CHRNA5: variants seen among roughly 807,000 people sequenced by gnomAD.
CHRNA5 encodes cholinergic receptor nicotinic alpha 5 subunit, also known as neuronal acetylcholine receptor subunit alpha-5.
A neutral mutation model predicts 41.2 loss-of-function variants in CHRNA5; 28 were observed. The ratio of observed to expected loss-of-function variants is 0.68; its 90% confidence interval spans 0.50 to 0.93. The LOEUF (loss-of-function observed/expected upper bound fraction) is 0.93, where lower values mean the gene tolerates loss of function less well. Among genes scored for constraint, CHRNA5 ranks in the 40% least tolerant of loss-of-function variants. The pLI is 0.00. For missense variants in CHRNA5, 481 were observed against 581.9 expected (o/e 0.83, Z 1.78); for synonymous variants, 188 against 205.8 (o/e 0.91, Z 0.74).
At chr15:78,574,341 A>G (rs1267224305) in intron 1 of CHRNA5, among the ~76,000 whole-genome samples, 1 of 149,428 alleles carries the variant, frequency 6.7e-6, no homozygotes, top group East Asian at 2.0e-4. Context: ...GATCGCACCA[A>G]TGCACTCCAG....
Position 78,590,286 on chromosome 15 carries a change from A to G in CHRNA5, c.895A>G (p.Ile299Val). The change falls in exon 5 of 6, where the codon ATT (isoleucine) becomes GTT (valine). Residue 299 changes from isoleucine (I) to valine (V), a missense_variant. Transcript: ENST00000299565. ...GTCTTTGACTGTCTTCCTTCTGGTT[A>G]TTGAAGAGATCATACCATCATCTTC... 2.5e-6 allele frequency: 4 copies of G among 1,613,928 alleles called. No individual in the cohort carries two copies. In the African/African-American group the frequency reaches 5.3e-5, roughly 22 times the overall value.
intron 1 of CHRNA5, among the ~76,000 whole-genome samples, chr15:78,573,963 A>ATTTTTTTTTTTTTTTTTTT (rs979485573): frequency 6.9e-5 from 7 of 102,098 alleles, no homozygotes; most frequent in Non-Finnish European, 1.2e-4. Context: ...CGCCTGGCTA[A>ATTTTTTTTTTTTTTTTTTT]TTTTTTTTTT....
intron 4 of CHRNA5, 127 bp from the exon 5 acceptor site, chr15:78,589,678 A>G (rs1001664187): frequency 1.4e-6 from 1 of 720,906 alleles, no homozygotes; most frequent in Admixed American, 3.2e-5. Flanking sequence ...TCTTATCTGA[A>G]GTATAGTAAT....
exon 5 of CHRNA5, chr15:78,590,162 T>A (rs753815514): frequency 7.4e-6 from 12 of 1,613,994 alleles, no homozygotes; most frequent in Non-Finnish European, 1.0e-5. Flanking sequence ...CCTTGTTCCT[T>A]ATAATACCCT....
At chr15:78,569,972 A>G (rs1226433542) in intron 1 of CHRNA5, among the ~76,000 whole-genome samples, 2 of 151,462 alleles carry the variant, frequency 1.3e-5, no homozygotes, top group African/African-American at 4.9e-5. Flanking sequence ...GGCATGTGCC[A>G]CCATGCCTGG....
intron 2 of CHRNA5, among the ~76,000 whole-genome samples, chr15:78,585,152 G>A (rs764801850): frequency 8.5e-5 from 13 of 152,064 alleles, no homozygotes; most frequent in Admixed American, 1.3e-4. Context: ...TCCTGACCTC[G>A]TGATCCACCC....
chr15:78,571,106 C>T (rs1370678995), intron 1 of CHRNA5, among the ~76,000 whole-genome samples: 1 of 152,214 alleles, frequency 6.6e-6, no homozygotes, highest in Non-Finnish European at 1.5e-5. Flanking sequence ...TGAGACTCTG[C>T]ATTTCTAACA....
intron 5 of CHRNA5, 153 bp from the exon 6 acceptor site, chr15:78,592,935 GTGTC>G (rs1177412925): frequency 2.8e-6 from 2 of 720,484 alleles, no homozygotes; most frequent in Admixed American, 6.3e-5. Context: ...CTTCAGGCTA[GTGTC>G]TGTCCCTGAG....
intron 3 of CHRNA5, among the ~76,000 whole-genome samples, chr15:78,587,391 T>G (rs1386741902): frequency 6.6e-6 from 1 of 152,144 alleles, no homozygotes; most frequent in East Asian, 1.9e-4. Flanking sequence ...GAACAAAGTC[T>G]TGGTGGAGAG....
chr15:78,572,225 A>C (rs2052812431), intron 1 of CHRNA5, among the ~76,000 whole-genome samples: 2 of 152,234 alleles, frequency 1.3e-5, no homozygotes, highest in Non-Finnish European at 2.9e-5. Context: ...CCCTTGACTC[A>C]GCAGTTTTAC....
chr15:78,589,760 C>T, intron 4 of CHRNA5, 45 bp from the exon 5 acceptor site: 2 of 1,345,276 alleles, frequency 1.5e-6, no homozygotes, highest in Non-Finnish European at 2.0e-6. Flanking sequence ...AATTCATGTG[C>T]ATTGTTTAAT....
At chr15:78,590,728 C>CTTAA in intron 5 of CHRNA5, 92 bp downstream of exon 5, 1 of 1,009,424 alleles carries the variant, frequency 9.9e-7, no homozygotes, top group Non-Finnish European at 1.4e-6. Context: ...CAGCATGACC[C>CTTAA]TTAAGTAAGA....
At chr15:78,582,683 G>A (rs1272762111) in intron 2 of CHRNA5, among the ~76,000 whole-genome samples, 1 of 151,644 alleles carries the variant, frequency 6.6e-6, no homozygotes. Context: ...ACCCGAGCTG[G>A]CTTTGTAGGA....
rs111307196 is a variant in CHRNA5 at position 78,580,659 on chromosome 15, C to T, written c.107-152C>T. The T allele has an allele frequency of 3.2e-4, 137 of 428,744 alleles. 1 individual carries two copies. The highest frequency in any genetic ancestry group is 2.4e-3 in the African/African-American group (116 of 48,572). 26.6% of individuals were successfully genotyped at this position (428,744 alleles called of 1,614,324 possible). A position where few individuals can be genotyped will look rare whatever the true frequency, so the allele number is the denominator to read the frequency against. ...TTTTTTTTCCTTTTTTTTTTTGAGA[C>T]AGAGTCTCTCTCCATGGCCCAGGTT... is the stretch of plus-strand genomic sequence containing the variant. On this transcript the variant is annotated intron_variant, in intron 1 of 5. Coordinates refer to ENST00000299565, the Ensembl canonical transcript of CHRNA5.
chr15:78,565,875 A>C (rs1291436289), intron 1 of CHRNA5, 50 bp downstream of exon 1: 4 of 1,108,848 alleles, frequency 3.6e-6, no homozygotes, highest in Non-Finnish European at 4.5e-6. Context: ...CGGACTCCAC[A>C]TCGCGGTGCC....
intron 1 of CHRNA5, among the ~76,000 whole-genome samples, chr15:78,577,803 C>T (rs911949771): frequency 6.6e-6 from 1 of 151,688 alleles, no homozygotes; most frequent in Non-Finnish European, 1.5e-5. Context: ...GTGTGGTGCA[C>T]GCCTGTGGTC....
chr15:78,590,259 G>A, exon 5 of CHRNA5: 1 of 1,613,910 alleles, frequency 6.2e-7, no homozygotes, highest in South Asian at 1.1e-5. Context: ...TTCAGTACTT[G>A]TGTCTTTGAC....
chr15:78,576,805 A>C (rs1162348248), intron 1 of CHRNA5, among the ~76,000 whole-genome samples: 1 of 151,978 alleles, frequency 6.6e-6, no homozygotes, highest in Non-Finnish European at 1.5e-5. Context: ...TCTCAAAAAA[A>C]AAAAAAAACA....
chr15:78,582,953 T>G (rs1306190572), intron 2 of CHRNA5, among the ~76,000 whole-genome samples: 2 of 152,202 alleles, frequency 1.3e-5, no homozygotes, highest in African/African-American at 4.8e-5. Flanking sequence ...CATTTATTAT[T>G]CAAGGCCAAA....
Sources: gnomAD v4.1 joint callset for allele counts (sites outside exome capture counted in the v4.1 genomes callset) on GRCh38, gnomAD v4.1.1 for gene constraint, MANE v1.5 for transcripts, NCBI Gene and HGNC (gene_info 2026-07-23, HGNC 2026-07-21) for gene names.